The following DOCK7 variants were observed in gnomAD, a reference collection of about 807,000 sequenced individuals.
The protein encoded by DOCK7 is dedicator of cytokinesis 7.
A neutral mutation model predicts 271.0 loss-of-function variants in DOCK7; 138 were observed. That is an observed-to-expected ratio of 0.51 (90% confidence interval 0.44 to 0.59). The LOEUF is 0.59. Among genes scored for constraint, DOCK7 ranks in the 20% least tolerant of loss-of-function variants. The pLI is 0.00. For missense variants in DOCK7, 2,066 were observed against 2,592.4 expected (o/e 0.80, Z 4.41); for synonymous variants, 823 against 876.1 (o/e 0.94, Z 1.07).
chr1:62,640,366 C>A (rs1014050677), intron 7 of DOCK7, among the ~76,000 whole-genome samples: 3 of 151,934 alleles, frequency 2.0e-5, no homozygotes, highest in Admixed American at 1.3e-4. Flanking sequence ...ACTAAAAATA[C>A]AAAAAATTAG....
intron 12 of DOCK7, among the ~76,000 whole-genome samples, chr1:62,622,148 TAGA>T (rs1229476638): frequency 6.6e-6 from 1 of 152,240 alleles, no homozygotes; most frequent in Admixed American, 6.5e-5. Context: ...GCTAGCCTGC[TAGA>T]AGATGACAGT....
chr1:62,516,322 T>A (rs897073899), intron 31 of DOCK7, among the ~76,000 whole-genome samples: 1 of 152,158 alleles, frequency 6.6e-6, no homozygotes, highest in Non-Finnish European at 1.5e-5. Flanking sequence ...AACCTGAGAT[T>A]AGTATCCAGA....
chr1:62,508,866 T>C (rs1644393400), intron 34 of DOCK7, among the ~76,000 whole-genome samples: 1 of 152,160 alleles, frequency 6.6e-6, no homozygotes, highest in South Asian at 2.1e-4. Context: ...GATTTATGAA[T>C]ATAGTTGAGA....
chr1:62,610,345 T>C (rs1651606398), intron 14 of DOCK7, among the ~76,000 whole-genome samples: 1 of 152,124 alleles, frequency 6.6e-6, no homozygotes, highest in South Asian at 2.1e-4. Context: ...AAAATGCTCC[T>C]GAATTTTCAG....
intron 2 of DOCK7, among the ~76,000 whole-genome samples, chr1:62,661,785 T>C (rs956289965): frequency 2.2e-4 from 33 of 152,094 alleles, no homozygotes; most frequent in African/African-American, 7.7e-4. Context: ...TAAGATTACA[T>C]ATGGGTTATA....
intron 18 of DOCK7, among the ~76,000 whole-genome samples, chr1:62,568,758 A>C (rs1283879258): frequency 2.0e-5 from 3 of 151,704 alleles, no homozygotes. Context: ...GAAGTGAAGG[A>C]AACAGAGACA....
chr1:62,492,535 G>T, intron 41 of DOCK7, 169 bp downstream of exon 41: 1 of 700,744 alleles, frequency 1.4e-6, no homozygotes, highest in Non-Finnish European at 2.3e-6. Flanking sequence ...CAATCCTCCC[G>T]TCTTAGCCTC....
At chr1:62,618,935 A>T in intron 13 of DOCK7, 67 bp from the exon 14 acceptor site, 3 of 1,438,064 alleles carry the variant, frequency 2.1e-6, no homozygotes, top group Non-Finnish European at 2.9e-6. Flanking sequence ...ATGTTTTTTA[A>T]AGGACTTGGA....
intron 17 of DOCK7, among the ~76,000 whole-genome samples, chr1:62,577,579 C>T (rs1376768072): frequency 6.6e-6 from 1 of 152,022 alleles, no homozygotes; most frequent in Non-Finnish European, 1.5e-5. Context: ...ATCACCAAAA[C>T]ATTATTATTA....
At chr1:62,604,462 TTTATACAGATTATTTAAAATTGGGAC>T in intron 14 of DOCK7, 1 of 902,350 alleles carries the variant, frequency 1.1e-6, no homozygotes. Context: ...GTATAGATTA[TTTATACAGATTATTTAAAATTGGGAC>T]TTATACAGAT....
chr1:62,617,071 C>G (rs1273485063), intron 14 of DOCK7, among the ~76,000 whole-genome samples: 1 of 137,220 alleles, frequency 7.3e-6, no homozygotes, highest in South Asian at 2.4e-4. Context: ...AAGGAAAATA[C>G]ATGAAAAATA....
chr1:62,676,458 A>G (rs1337332662), intron 1 of DOCK7, among the ~76,000 whole-genome samples: 1 of 152,218 alleles, frequency 6.6e-6, no homozygotes, highest in African/African-American at 2.4e-5. Context: ...TGATGGTTTC[A>G]CAGCTGTTAA....
At chr1:62,471,591 C>T (rs1645832172) in intron 48 of DOCK7, among the ~76,000 whole-genome samples, 1 of 152,156 alleles carries the variant, frequency 6.6e-6, no homozygotes, top group Non-Finnish European at 1.5e-5. Context: ...GAGTTTGAGG[C>T]TGCAGTGAGT....
At position 62,583,264 on chromosome 1, in the gene DOCK7, A is replaced by G. The variant is rs1251992325; in HGVS notation, c.1801-10T>C. On this transcript the variant is annotated splice_polypyrimidine_tract_variant and intron_variant, in intron 15 of 49. Transcript: ENST00000635253. ...ATTTACCAAAGATTACCTGAAACAA[A>G]TAACAGCATGTTGAAACTTTGTTGT... 1.2e-6 allele frequency: 2 copies of G among 1,610,050 alleles called. No individual in the cohort carries two copies. Among genetic ancestry groups the G allele is most frequent in the Admixed American group, 1.7e-5 (1 of 59,968 alleles).
In DOCK7 at chr1:62,533,915, A is replaced by T. The variant is rs924142238; in HGVS notation, c.3611+1578T>A. 6.4e-4 allele frequency among the ~76,000 whole-genome samples: 98 copies of T among 152,078 alleles called. 1 individual carries two copies. The highest frequency in any genetic ancestry group is 2.1e-4 in the Non-Finnish European group (14 of 68,004). ...GGATTATTCCTACTACAAAAAAAAA[A>T]TTTTAAGCCATTATCACCCAAATGA... On this transcript the variant is annotated intron_variant, in intron 29 of 49. Coordinates refer to ENST00000635253, the MANE Select transcript of DOCK7 (RefSeq NM_001367561.1).
chr1:62,608,567 G>A lies in DOCK7; in HGVS notation c.1682+10139C>T, dbSNP rs892249741. 2.0e-4 allele frequency: 31 copies of A among 152,188 alleles called. 1 individual carries two copies. Among genetic ancestry groups the A allele is most frequent in the African/African-American group, 2.4e-5 (1 of 41,514 alleles). 9.4% of individuals were successfully genotyped at this position (152,188 alleles called of 1,614,324 possible). On this transcript the variant is annotated intron_variant, in intron 14 of 49. Transcript: ENST00000635253. ...ATGGCACTTAGTGAGAAAATACACA[G>A]AATATGGCAAATCATAATAATAAAA...
At chr1:62,574,507 TAGA>T (rs999156011) in intron 18 of DOCK7, among the ~76,000 whole-genome samples, 3 of 152,116 alleles carry the variant, frequency 2.0e-5, no homozygotes, top group Non-Finnish European at 2.9e-5. Context: ...GAGGAATTAA[TAGA>T]AGAAGACTTG....
rs1645307198 is a variant in DOCK7 at position 62,454,966 on chromosome 1, C to T, written c.*448G>A. ...CTTGAGTCAACCCTTTAATTGTTCT[C>T]TGCCATTGTCAATAATAAAAATTTT... is the stretch of plus-strand genomic sequence containing the variant. On this transcript the variant is annotated 3_prime_UTR_variant, in exon 50 of 50. Coordinates refer to ENST00000635253, the MANE Select transcript of DOCK7 (RefSeq NM_001367561.1). 3 of 355,542 alleles carry T rather than the reference C, an allele frequency of 8.4e-6. No individual in the cohort carries two copies. Among genetic ancestry groups the T allele is most frequent in the Non-Finnish European group, 1.5e-5 (3 of 199,320 alleles). 22.0% of individuals were successfully genotyped at this position (355,542 alleles called of 1,614,324 possible). A position where few individuals can be genotyped will look rare whatever the true frequency, so the allele number is the denominator to read the frequency against.
chr1:62,469,646 A>T (rs1328469450), intron 48 of DOCK7, among the ~76,000 whole-genome samples: 1 of 152,232 alleles, frequency 6.6e-6, no homozygotes, highest in Non-Finnish European at 1.5e-5. Context: ...AGTGGGAGAA[A>T]ATCTTCACAA....
Sources: gnomAD v4.1 joint callset for allele counts (sites outside exome capture counted in the v4.1 genomes callset) on GRCh38, gnomAD v4.1.1 for gene constraint, MANE v1.5 for transcripts, NCBI Gene and HGNC (gene_info 2026-07-23, HGNC 2026-07-21) for gene names.